NAALADL2: variants seen among roughly 807,000 people sequenced by gnomAD.
NAALADL2 encodes inactive N-acetylated-alpha-linked acidic dipeptidase-like protein 2.
NAALADL2 carries 76 observed loss-of-function variants against 87.2 expected under a neutral mutation model. The observed-to-expected ratio is 0.87, with a 90% CI of 0.72 to 1.05. NAALADL2 has a LOEUF of 1.05. Among genes scored for constraint, NAALADL2 ranks in the 50% least tolerant of loss-of-function variants. The pLI is 0.00. For missense variants in NAALADL2, 1,089 were observed against 945.8 expected (o/e 1.15, Z -1.99); for synonymous variants, 354 against 331.0 (o/e 1.07, Z -0.75).
chr3:175,789,690 T>C (rs986655208), intron 13 of NAALADL2, among the ~76,000 whole-genome samples: 2 of 152,118 alleles, frequency 1.3e-5, no homozygotes, highest in African/African-American at 4.8e-5. Context: ...TTCCAAAGGG[T>C]ACAGTTAAGA....
intron 9 of NAALADL2, among the ~76,000 whole-genome samples, chr3:175,497,176 A>G (rs1269153219): frequency 6.6e-6 from 1 of 151,890 alleles, no homozygotes; most frequent in Non-Finnish European, 1.5e-5. Context: ...TGAGCTCAAG[A>G]GATCCTCCTG....
chr3:174,745,214 A>AAAG (rs1460351679), intron 3 of NAALADL2, among the ~76,000 whole-genome samples: 2 of 152,124 alleles, frequency 1.3e-5, no homozygotes, highest in Non-Finnish European at 2.9e-5. Context: ...ATAAAGTAGA[A>AAAG]AAGAGAGAAG....
chr3:175,701,556 TG>T lies in NAALADL2; in HGVS notation c.1897-35747del, dbSNP rs543946796. ...TGCCTTCCGTTAATTATCGCACTTG[TG>T]GGCACAGGAGTGAAAACTGCACGCC... On this transcript the variant is annotated intron_variant, in intron 11 of 13. Coordinates refer to ENST00000454872, the MANE Select transcript of NAALADL2 (RefSeq NM_207015.3). 1.9e-3 allele frequency among the ~76,000 whole-genome samples: 289 copies of T among 152,226 alleles called. 1 individual carries two copies. The highest frequency in any genetic ancestry group is 6.5e-3 in the African/African-American group (270 of 41,542).
At chr3:175,682,645 G>T (rs1043569734) in intron 11 of NAALADL2, among the ~76,000 whole-genome samples, 1 of 151,982 alleles carries the variant, frequency 6.6e-6, no homozygotes, top group Non-Finnish European at 1.5e-5. Context: ...TGACATTTTT[G>T]AAATCAATGC....
At chr3:174,569,254 T>C (rs1048090673) in intron 2 of NAALADL2, among the ~76,000 whole-genome samples, 2 of 151,896 alleles carry the variant, frequency 1.3e-5, no homozygotes, top group African/African-American at 2.4e-5. Flanking sequence ...GAAATAATGC[T>C]TTTAATAAGG....
intron 1 of NAALADL2, among the ~76,000 whole-genome samples, chr3:174,934,266 A>T (rs1737341460): frequency 6.6e-6 from 1 of 152,164 alleles, no homozygotes; most frequent in Admixed American, 6.5e-5. Flanking sequence ...TTTTAAAAAT[A>T]TGTATGATTT....
chr3:174,884,505 C>T (rs1288501335), intron 1 of NAALADL2, among the ~76,000 whole-genome samples: 1 of 152,058 alleles, frequency 6.6e-6, no homozygotes, highest in Non-Finnish European at 1.5e-5. Flanking sequence ...GTGCCTTGGT[C>T]AAAGGCAATG....
chr3:175,460,323 T>A, intron 6 of NAALADL2: 1 of 394,970 alleles, frequency 2.5e-6, no homozygotes, highest in South Asian at 1.9e-5. Context: ...TAAAACAATA[T>A]GCATCAGGAT....
intron 2 of NAALADL2, among the ~76,000 whole-genome samples, chr3:174,599,108 C>T (rs1229328044): frequency 6.6e-6 from 1 of 152,126 alleles, no homozygotes; most frequent in Non-Finnish European, 1.5e-5. Context: ...CAGAGCCATA[C>T]ACTCCATTAA....
At chr3:175,335,948 A>T (rs377594359) in intron 5 of NAALADL2, among the ~76,000 whole-genome samples, 258 of 152,214 alleles carry the variant, frequency 1.7e-3, no homozygotes, top group African/African-American at 6.0e-3. Context: ...TCTGCTGGAA[A>T]CGTGTCAGGT....
chr3:175,701,511 G>T (rs544760996), intron 11 of NAALADL2, among the ~76,000 whole-genome samples: 13 of 152,162 alleles, frequency 8.5e-5, no homozygotes, highest in African/African-American at 2.9e-4. Flanking sequence ...TTTCAAACAC[G>T]TATTTACCAA....
intron 2 of NAALADL2, among the ~76,000 whole-genome samples, chr3:175,176,670 G>A (rs1224457589): frequency 6.6e-6 from 1 of 152,040 alleles, no homozygotes; most frequent in Non-Finnish European, 1.5e-5. Context: ...AGCACAATAT[G>A]ATGATGGAAG....
chr3:175,664,734 A>T (rs1427602017), intron 11 of NAALADL2, among the ~76,000 whole-genome samples: 1 of 152,166 alleles, frequency 6.6e-6, no homozygotes, highest in African/African-American at 2.4e-5. Context: ...CTTCTCAGGT[A>T]AAAACTCTAA....
chr3:174,746,576 A>G (rs761546534), intron 3 of NAALADL2, among the ~76,000 whole-genome samples: 4 of 152,154 alleles, frequency 2.6e-5, no homozygotes, highest in Non-Finnish European at 5.9e-5. Flanking sequence ...ATTAGAAAAA[A>G]AAAGCTTTAA....
intron 5 of NAALADL2, among the ~76,000 whole-genome samples, chr3:175,425,191 G>A (rs1716571658): frequency 6.6e-6 from 1 of 152,114 alleles, no homozygotes. Flanking sequence ...GAGGAGTAGA[G>A]GAGAAGCATG....
At chr3:175,179,117 G>A (rs894460162) in intron 2 of NAALADL2, among the ~76,000 whole-genome samples, 2 of 151,916 alleles carry the variant, frequency 1.3e-5, no homozygotes, top group Admixed American at 1.3e-4. Context: ...TATGATCCAC[G>A]AGAAGTTATT....
chr3:174,680,923 T>C (rs553204421), intron 2 of NAALADL2, among the ~76,000 whole-genome samples: 2 of 152,292 alleles, frequency 1.3e-5, no homozygotes, highest in African/African-American at 4.8e-5. Context: ...TGCTGAAAGA[T>C]ACACTGAAGA....
intron 3 of NAALADL2, among the ~76,000 whole-genome samples, chr3:174,742,963 T>C (rs982100534): frequency 5.9e-5 from 9 of 151,826 alleles, no homozygotes. Flanking sequence ...CTGCAGCTTC[T>C]GGGTCATGCT....
intron 1 of NAALADL2, among the ~76,000 whole-genome samples, chr3:174,928,283 C>G (rs1453184319): frequency 3.3e-5 from 5 of 152,130 alleles, no homozygotes; most frequent in African/African-American, 1.2e-4. Flanking sequence ...GCTCTTCTCA[C>G]CCAGGCTGGA....
Sources: allele counts gnomAD v4.1 joint callset (sites outside exome capture counted in the v4.1 genomes callset), GRCh38; gene constraint gnomAD v4.1.1; transcripts MANE v1.5; gene names NCBI Gene and HGNC (gene_info 2026-07-23, HGNC 2026-07-21).